FAM240B: variants seen among roughly 807,000 people sequenced by gnomAD.
FAM240B encodes protein FAM240B.
intron 1 of FAM240B, among the ~76,000 whole-genome samples, chr9:38,717,864 A>G (rs1821326906): frequency 6.6e-6 from 1 of 152,202 alleles, no homozygotes; most frequent in Non-Finnish European, 1.5e-5. Flanking sequence ...TTTTGTGCAC[A>G]TGGTAAAATA....
At chr9:38,695,140 A>C (rs951829571) in intron 2 of FAM240B, among the ~76,000 whole-genome samples, 1 of 152,206 alleles carries the variant, frequency 6.6e-6, no homozygotes, top group Non-Finnish European at 1.5e-5. Flanking sequence ...TGACGGGTTG[A>C]TAGGTGCAGC....
chr9:38,699,651 TG>T (rs1160633142), intron 2 of FAM240B, among the ~76,000 whole-genome samples: 1 of 152,076 alleles, frequency 6.6e-6, no homozygotes, highest in South Asian at 2.1e-4. Context: ...GGGAGCGGCC[TG>T]GGGGAAGTAT....
At chr9:38,714,549 C>T (rs1012789785) in intron 1 of FAM240B, among the ~76,000 whole-genome samples, 1 of 152,082 alleles carries the variant, frequency 6.6e-6, no homozygotes, top group African/African-American at 2.4e-5. Flanking sequence ...AAACAAATAC[C>T]CCCTTAAATA....
intron 2 of FAM240B, among the ~76,000 whole-genome samples, chr9:38,699,999 G>A (rs143611408): frequency 1.2e-3 from 187 of 152,244 alleles, no homozygotes; most frequent in African/African-American, 3.9e-3. Context: ...GGGAAGAGGC[G>A]GGCCTGAGTC....
chr9:38,708,181 T>C (rs1447520507), intron 1 of FAM240B, among the ~76,000 whole-genome samples: 2 of 152,194 alleles, frequency 1.3e-5, no homozygotes, highest in Non-Finnish European at 2.9e-5. Flanking sequence ...GCATTCTCTA[T>C]CTGCAGGTAG....
chr9:38,704,910 T>C, intron 1 of FAM240B, among the ~76,000 whole-genome samples: 1 of 152,216 alleles, frequency 6.6e-6, no homozygotes, highest in East Asian at 1.9e-4. Flanking sequence ...GAGCCAGTGC[T>C]TTTTGCTCTA....
chr9:38,707,472 T>A (rs72721514), intron 1 of FAM240B, among the ~76,000 whole-genome samples: 8,367 of 151,984 alleles, frequency 0.055, 314 homozygotes, highest in Non-Finnish European at 0.086. Context: ...AGTAAATTAA[T>A]TCAGGGTGAA....
At chr9:38,700,632 T>C (rs1482067723) in intron 2 of FAM240B, among the ~76,000 whole-genome samples, 1 of 152,236 alleles carries the variant, frequency 6.6e-6, no homozygotes. Context: ...CCAGGAGGTA[T>C]GGTCACACAT....
At chr9:38,705,955 G>A (rs1821186524) in intron 1 of FAM240B, among the ~76,000 whole-genome samples, 1 of 152,168 alleles carries the variant, frequency 6.6e-6, no homozygotes, top group Non-Finnish European at 1.5e-5. Flanking sequence ...GGCAGGTCAG[G>A]GTAGGGACGA....
intron 2 of FAM240B, among the ~76,000 whole-genome samples, chr9:38,698,326 T>C (rs1821089221): frequency 6.6e-6 from 1 of 152,258 alleles, no homozygotes; most frequent in Non-Finnish European, 1.5e-5. Flanking sequence ...TTACTTGTTC[T>C]ATGATTTTTA....
intron 1 of FAM240B, among the ~76,000 whole-genome samples, chr9:38,711,909 G>A (rs558843175): frequency 2.0e-5 from 3 of 152,130 alleles, no homozygotes; most frequent in African/African-American, 7.2e-5. Context: ...GCCCGTCTCG[G>A]CCTCCCAAAG....
At chr9:38,718,784 ATAGT>A (rs775952220) in intron 1 of FAM240B, among the ~76,000 whole-genome samples, 1 of 152,116 alleles carries the variant, frequency 6.6e-6, no homozygotes, top group East Asian at 1.9e-4. Flanking sequence ...CTAACTGTAG[ATAGT>A]TATTTTAAAT....
chr9:38,700,109 A>T (rs542983364), intron 2 of FAM240B, among the ~76,000 whole-genome samples: 1 of 152,330 alleles, frequency 6.6e-6, no homozygotes, highest in South Asian at 2.1e-4. Flanking sequence ...TACTCATTTG[A>T]CCAACTCAGT....
At chr9:38,708,935 C>T (rs62567670) in intron 1 of FAM240B, among the ~76,000 whole-genome samples, 8,389 of 152,180 alleles carry the variant, frequency 0.055, 322 homozygotes, top group Non-Finnish European at 0.086. Context: ...GGCTTCCCGT[C>T]TTGTCCCAGA....
chr9:38,717,287 TAAC>T (rs1169814631), intron 1 of FAM240B, among the ~76,000 whole-genome samples: 1 of 152,102 alleles, frequency 6.6e-6, no homozygotes, highest in East Asian at 2.0e-4. Context: ...GTCAAAGAGT[TAAC>T]AAAGTTTTGG....
At chr9:38,709,977 T>TTTG (rs1383988601) in intron 1 of FAM240B, among the ~76,000 whole-genome samples, 1 of 152,166 alleles carries the variant, frequency 6.6e-6, no homozygotes, top group East Asian at 1.9e-4. Context: ...TTGATGTCTT[T>TTTG]TTGTTGTTGT....
Position 38,712,502 on chromosome 9 carries a change from A to G in FAM240B, c.-4+7520T>C, listed in dbSNP as rs373980661. Among the ~76,000 whole-genome samples the G allele has an allele frequency of 3.4e-4, 52 of 152,306 alleles. 3 individuals are homozygous for G. In the South Asian group the frequency reaches 9.7e-3, roughly 29 times the overall value. The stretch of plus-strand genomic sequence containing the variant: ...TGCCATCTCATTTAATCCTCAGCAT[A>G]TTATGCTAGATTTTACTATTCCTGT... On this transcript the variant is annotated intron_variant, in intron 1 of 2. Transcript: ENST00000637493.
intron 2 of FAM240B, among the ~76,000 whole-genome samples, chr9:38,701,660 A>T (rs765280464): frequency 3.2e-4 from 49 of 152,094 alleles, no homozygotes; most frequent in Non-Finnish European, 6.0e-4. Context: ...ATGTCTTCAA[A>T]CACTTCGTTG....
chr9:38,718,639 G>A (rs2119017868), intron 1 of FAM240B, among the ~76,000 whole-genome samples: 1 of 152,112 alleles, frequency 6.6e-6, no homozygotes, highest in Admixed American at 6.6e-5. Context: ...ACATTTCTCA[G>A]TTCAATTTTG....
Sources: gnomAD v4.1 joint callset for allele counts (sites outside exome capture counted in the v4.1 genomes callset) on GRCh38, gnomAD v4.1.1 for gene constraint, MANE v1.5 for transcripts, NCBI Gene and HGNC (gene_info 2026-07-23, HGNC 2026-07-21) for gene names.